PGCKA1: variants seen among roughly 807,000 people sequenced by gnomAD.
PGCKA1 encodes the protein PDCD10 and GCKIII kinases-associated protein 1.
chr4:37,462,518 GA>G, the PGCKA1 span, among the ~76,000 whole-genome samples: 60 of 152,262 alleles, frequency 3.9e-4, 1 homozygote, highest in Admixed American at 3.1e-3. Context: ...TTGGTGGTTT[GA>G]AGTAATTATT....
the PGCKA1 span, among the ~76,000 whole-genome samples, chr4:37,498,880 G>A: frequency 8.5e-5 from 13 of 152,284 alleles, no homozygotes; most frequent in South Asian, 2.1e-3. Context: ...AGTGGTGAGA[G>A]AAGACATCCT....
chr4:37,527,691 G>A, the PGCKA1 span, among the ~76,000 whole-genome samples: 25,437 of 151,248 alleles, frequency 0.17, 2,660 homozygotes, highest in East Asian at 0.26. Context: ...TTAACTGGGC[G>A]TGGTGGCGGG....
At chr4:37,536,293 T>C in the PGCKA1 span, among the ~76,000 whole-genome samples, 2 of 152,226 alleles carry the variant, frequency 1.3e-5, no homozygotes, top group Non-Finnish European at 2.9e-5. Context: ...AAAGGGCAAG[T>C]CCAACTAAAG....
At chr4:37,575,793 A>G in the PGCKA1 span, among the ~76,000 whole-genome samples, 1 of 152,088 alleles carries the variant, frequency 6.6e-6, no homozygotes, top group South Asian at 2.1e-4. Flanking sequence ...AGAGAGAGGG[A>G]TCCAGTTTCA....
At chr4:37,500,845 T>C in the PGCKA1 span, among the ~76,000 whole-genome samples, 1,348 of 152,356 alleles carry the variant, frequency 8.8e-3, 21 homozygotes, top group African/African-American at 0.031. Context: ...TCTTGTTGAA[T>C]TGAACCCTTT....
At chr4:37,576,284 AG>A in the PGCKA1 span, among the ~76,000 whole-genome samples, 5 of 152,066 alleles carry the variant, frequency 3.3e-5, no homozygotes, top group Non-Finnish European at 5.9e-5. Flanking sequence ...TAGTCTTCAT[AG>A]TAGAGATCTT....
the PGCKA1 span, among the ~76,000 whole-genome samples, chr4:37,565,657 C>T: frequency 6.6e-6 from 1 of 152,144 alleles, no homozygotes; most frequent in African/African-American, 2.4e-5. Flanking sequence ...CTTGGCCAGA[C>T]CAGAATAAAC....
the PGCKA1 span, among the ~76,000 whole-genome samples, chr4:37,478,143 C>CCG: frequency 1.1e-5 from 1 of 86,978 alleles, no homozygotes. Context: ...TTTAAAAACA[C>CCG]CCCCCCCCAC....
chr4:37,546,095 A>C, the PGCKA1 span, among the ~76,000 whole-genome samples: 1 of 152,246 alleles, frequency 6.6e-6, no homozygotes, highest in Non-Finnish European at 1.5e-5. Flanking sequence ...ATCAAGCAAC[A>C]GCCAACACTG....
chr4:37,494,095 G>A, the PGCKA1 span, among the ~76,000 whole-genome samples: 1 of 152,164 alleles, frequency 6.6e-6, no homozygotes, highest in Non-Finnish European at 1.5e-5. Context: ...ATAACTAGCA[G>A]TGGGATTGCT....
chr4:37,476,002 T>C, the PGCKA1 span, among the ~76,000 whole-genome samples: 1 of 150,224 alleles, frequency 6.7e-6, no homozygotes, highest in East Asian at 1.9e-4. Flanking sequence ...ATTTAAAATA[T>C]ATTATTTAAA....
At chr4:37,481,485 AAAAAAAAAAAAAAAAG>A in the PGCKA1 span, among the ~76,000 whole-genome samples, 11 of 75,680 alleles carry the variant, frequency 1.5e-4, no homozygotes, top group Non-Finnish European at 4.0e-4. Flanking sequence ...AAAAAAAAAA[AAAAAAAAAAAAAAAAG>A]AAGTCCAAGA....
chr4:37,485,440 A>G, the PGCKA1 span, among the ~76,000 whole-genome samples: 1 of 152,102 alleles, frequency 6.6e-6, no homozygotes, highest in African/African-American at 2.4e-5. Flanking sequence ...CTTCTCTGTC[A>G]CAGGTGCTCT....
At chr4:37,483,558 T>C in the PGCKA1 span, among the ~76,000 whole-genome samples, 1 of 152,194 alleles carries the variant, frequency 6.6e-6, no homozygotes, top group East Asian at 1.9e-4. Context: ...TACGGCAAGA[T>C]TTCTATTACT....
the PGCKA1 span, among the ~76,000 whole-genome samples, chr4:37,543,611 G>A: frequency 1.3e-5 from 2 of 151,988 alleles, no homozygotes; most frequent in Non-Finnish European, 2.9e-5. Flanking sequence ...GGAGGCCGAG[G>A]CAGGCGGATC....
At chr4:37,463,252 T>G in the PGCKA1 span, among the ~76,000 whole-genome samples, 7 of 152,144 alleles carry the variant, frequency 4.6e-5, no homozygotes, top group South Asian at 2.1e-4. Flanking sequence ...AGAGTTCACA[T>G]TTTAAAGCCG....
chr4:37,467,481 A>T, the PGCKA1 span, among the ~76,000 whole-genome samples: 1 of 152,170 alleles, frequency 6.6e-6, no homozygotes, highest in Non-Finnish European at 1.5e-5. Flanking sequence ...TCCTAAAATG[A>T]TTGCTCCCTC....
chr4:37,572,301 C>T, the PGCKA1 span, among the ~76,000 whole-genome samples: 5 of 150,146 alleles, frequency 3.3e-5, no homozygotes, highest in African/African-American at 4.9e-5. Flanking sequence ...CTCCTGACCT[C>T]GTGATCCGCC....
the PGCKA1 span, among the ~76,000 whole-genome samples, chr4:37,585,663 G>A: frequency 2.6e-5 from 4 of 151,542 alleles, no homozygotes; most frequent in Non-Finnish European, 5.9e-5. Flanking sequence ...GGAGGTGCAC[G>A]TGCTTCTTCT....
Sources: gnomAD v4.1 joint callset for allele counts (sites outside exome capture counted in the v4.1 genomes callset) on GRCh38, gnomAD v4.1.1 for gene constraint, MANE v1.5 for transcripts, NCBI Gene and HGNC (gene_info 2026-07-23, HGNC 2026-07-21) for gene names.